CSNK1G3: variants seen among roughly 807,000 people sequenced by gnomAD.
The protein encoded by CSNK1G3 is casein kinase I isoform gamma-3.
CSNK1G3 carries 23 observed loss-of-function variants against 64.3 expected under a neutral mutation model. That is an observed-to-expected ratio of 0.36 (90% confidence interval 0.26 to 0.51). The LOEUF is 0.51. Among genes scored for constraint, CSNK1G3 ranks in the 20% least tolerant of loss-of-function variants. The pLI, the probability that CSNK1G3 is intolerant of heterozygous loss-of-function variation, is 0.96. For synonymous variants in CSNK1G3, 158 were observed against 162.2 expected (o/e 0.97, Z 0.20); for missense variants, 357 against 510.5 (o/e 0.70, Z 2.90).
intron 4 of CSNK1G3, among the ~76,000 whole-genome samples, chr5:123,560,517 T>A (rs990141584): frequency 6.6e-6 from 1 of 152,112 alleles, no homozygotes; most frequent in African/African-American, 2.4e-5. Flanking sequence ...ATACATAAGA[T>A]GGAATATTAT....
chr5:123,544,977 T>G (rs1456277987), intron 1 of CSNK1G3, among the ~76,000 whole-genome samples: 1 of 29,776 alleles, frequency 3.4e-5, no homozygotes, highest in East Asian at 4.3e-4. Context: ...AAAAAGACTT[T>G]GAAAATTATT....
intron 4 of CSNK1G3, among the ~76,000 whole-genome samples, chr5:123,571,005 T>G (rs1787988775): frequency 6.6e-6 from 1 of 152,234 alleles, no homozygotes; most frequent in Non-Finnish European, 1.5e-5. Flanking sequence ...AACAAGCCTC[T>G]CATTCCCTGT....
At chr5:123,550,601 A>T (rs1360621964) in intron 2 of CSNK1G3, among the ~76,000 whole-genome samples, 1 of 152,188 alleles carries the variant, frequency 6.6e-6, no homozygotes, top group East Asian at 1.9e-4. Context: ...TTTGATAATT[A>T]CCACCCCAAA....
At chr5:123,569,611 G>A (rs979293079) in intron 4 of CSNK1G3, among the ~76,000 whole-genome samples, 2 of 152,094 alleles carry the variant, frequency 1.3e-5, no homozygotes, top group African/African-American at 4.8e-5. Context: ...TTAAGTATTG[G>A]AAAACTGTCA....
chr5:123,581,709 T>TAA (rs147900093), intron 6 of CSNK1G3, among the ~76,000 whole-genome samples: 4 of 150,214 alleles, frequency 2.7e-5, no homozygotes, highest in Admixed American at 6.6e-5. Context: ...TCTCTTTTTT[T>TAA]AAAAAAAAAA....
At chr5:123,522,482 A>AACAG (rs1278223978) in intron 1 of CSNK1G3, among the ~76,000 whole-genome samples, 3 of 149,420 alleles carry the variant, frequency 2.0e-5, no homozygotes, top group African/African-American at 7.5e-5. Flanking sequence ...CAGCCTAGGC[A>AACAG]ATAGAGCGAG....
intron 12 of CSNK1G3, among the ~76,000 whole-genome samples, chr5:123,605,703 GCTTT>G (rs776298544): frequency 6.6e-6 from 1 of 151,990 alleles, no homozygotes; most frequent in Non-Finnish European, 1.5e-5. Context: ...TTTGCATTAA[GCTTT>G]CTTTTTTCTC....
intron 10 of CSNK1G3, among the ~76,000 whole-genome samples, chr5:123,593,463 A>G (rs2151011198): frequency 6.6e-6 from 1 of 152,076 alleles, no homozygotes; most frequent in African/African-American, 2.4e-5. Flanking sequence ...TAAATGAGTT[A>G]AGTTGAGGGG....
At chr5:123,589,875 G>A (rs1792022301) in intron 8 of CSNK1G3, among the ~76,000 whole-genome samples, 1 of 152,004 alleles carries the variant, frequency 6.6e-6, no homozygotes, top group African/African-American at 2.4e-5. Context: ...ATTTGTTTTA[G>A]CTTTCCTTTG....
chr5:123,589,726 C>G (rs988140295), intron 8 of CSNK1G3, among the ~76,000 whole-genome samples: 1 of 151,918 alleles, frequency 6.6e-6, no homozygotes, highest in African/African-American at 2.4e-5. Context: ...TTTGTTTTTG[C>G]ATGTATTAGA....
intron 4 of CSNK1G3, among the ~76,000 whole-genome samples, chr5:123,571,069 A>G (rs116878879): frequency 0.012 from 1,894 of 152,254 alleles, 132 homozygotes; most frequent in Admixed American, 0.091. Flanking sequence ...TGACAAATAC[A>G]TCTAAGAGTG....
intron 1 of CSNK1G3, among the ~76,000 whole-genome samples, chr5:123,539,484 G>C (rs1396778412): frequency 6.8e-6 from 1 of 147,202 alleles, no homozygotes; most frequent in South Asian, 2.1e-4. Context: ...TCTTTTTTCT[G>C]TTAGTTTGGT....
intron 1 of CSNK1G3, among the ~76,000 whole-genome samples, chr5:123,532,101 G>A (rs529869730): frequency 8.6e-4 from 131 of 151,786 alleles, no homozygotes; most frequent in African/African-American, 3.0e-3. Flanking sequence ...TTTAGCAACT[G>A]GTGTAATAGT....
chr5:123,519,164 C>T (rs1048297992), intron 1 of CSNK1G3, among the ~76,000 whole-genome samples: 30 of 152,068 alleles, frequency 2.0e-4, no homozygotes, highest in African/African-American at 6.8e-4. Context: ...AGTGATTCTC[C>T]TGCCTCAGCA....
chr5:123,555,828 A>G lies in CSNK1G3; in HGVS notation c.220-1667A>G, dbSNP rs1276341365. On this transcript the variant is annotated intron_variant, in intron 3 of 12. Transcript: ENST00000345990. Reference sequence around the variant, plus strand: ...GGAGTAGTGATTGAATAAGTTATATATTTAATTTCATTTGTGATTGTGTAC... The same window carrying G: ...GGAGTAGTGATTGAATAAGTTATATGTTTAATTTCATTTGTGATTGTGTAC... Among the ~76,000 whole-genome samples the G allele has an allele frequency of 2.0e-5, 3 of 152,072 alleles. No individual in the cohort carries two copies. In the East Asian group the frequency reaches 5.8e-4, roughly 29 times the overall value.
chr5:123,540,697 A>G (rs774885129), intron 1 of CSNK1G3, among the ~76,000 whole-genome samples: 7 of 152,118 alleles, frequency 4.6e-5, no homozygotes, highest in Non-Finnish European at 8.8e-5. Flanking sequence ...CAGTGACATG[A>G]TCTTTGCTCA....
At chr5:123,563,118 GA>G (rs1786108783) in intron 4 of CSNK1G3, among the ~76,000 whole-genome samples, 1 of 151,834 alleles carries the variant, frequency 6.6e-6, no homozygotes, top group Non-Finnish European at 1.5e-5. Context: ...TTAATCATAG[GA>G]AAAAATAACC....
chr5:123,585,263 G>GA (rs1180519039), intron 6 of CSNK1G3, among the ~76,000 whole-genome samples: 1 of 150,036 alleles, frequency 6.7e-6, no homozygotes, highest in Non-Finnish European at 1.5e-5. Context: ...TATTAGTATT[G>GA]AAAAAAATAT....
At chr5:123,571,035 C>T (rs1787992742) in intron 4 of CSNK1G3, among the ~76,000 whole-genome samples, 1 of 152,138 alleles carries the variant, frequency 6.6e-6, no homozygotes, top group Non-Finnish European at 1.5e-5. Flanking sequence ...TTTTCTCCAC[C>T]TTTACACATG....
Sources: gnomAD v4.1 joint callset for allele counts (sites outside exome capture counted in the v4.1 genomes callset) on GRCh38, gnomAD v4.1.1 for gene constraint, MANE v1.5 for transcripts, NCBI Gene and HGNC (gene_info 2026-07-23, HGNC 2026-07-21) for gene names.